Variants in C6orf132 observed in about 807,000 individuals in gnomAD.
C6orf132 encodes the protein uncharacterized protein C6orf132.
A neutral mutation model predicts 65.3 loss-of-function variants in C6orf132; 43 were observed. The observed-to-expected ratio is 0.66, with a 90% CI of 0.52 to 0.85. C6orf132 has a LOEUF of 0.85. Ranked by LOEUF, C6orf132 falls within the 40% of genes least tolerant of loss-of-function variation. The pLI is 0.00. For synonymous variants in C6orf132, 631 were observed against 654.1 expected, an observed-to-expected ratio of 0.96 and a Z score of 0.54; for missense variants, 1,488 against 1,548.8, an observed-to-expected ratio of 0.96 and a Z score of 0.66.
chr6:42,117,923 C>CAAAAAAAAAAAAA (rs556142891), intron 2 of C6orf132, among the ~76,000 whole-genome samples: 30 of 62,346 alleles, frequency 4.8e-4, no homozygotes, highest in East Asian at 7.5e-4. Context: ...AACCCTGTCA[C>CAAAAAAAAAAAAA]AAAAAAAAAA....
intron 1 of C6orf132, among the ~76,000 whole-genome samples, chr6:42,132,524 TAAGA>T (rs1766869925): frequency 7.0e-6 from 1 of 143,578 alleles, no homozygotes; most frequent in Non-Finnish European, 1.5e-5. Context: ...CAAAAAATAA[TAAGA>T]AGAAGAAGAA....
intron 2 of C6orf132, among the ~76,000 whole-genome samples, chr6:42,122,298 A>G (rs13193891): frequency 0.13 from 19,148 of 152,242 alleles, 1,498 homozygotes; most frequent in South Asian, 0.22. Flanking sequence ...TCAAGGGGAC[A>G]TGCCCTCAGA....
At chr6:42,139,678 GT>G (rs1002059757) in intron 1 of C6orf132, among the ~76,000 whole-genome samples, 43 of 150,474 alleles carry the variant, frequency 2.9e-4, no homozygotes, top group African/African-American at 8.3e-4. Flanking sequence ...ATTATGAGGG[GT>G]TTTTTTTTGC....
intron 2 of C6orf132, among the ~76,000 whole-genome samples, chr6:42,112,690 G>C (rs572675466): frequency 6.6e-6 from 1 of 152,314 alleles, no homozygotes; most frequent in African/African-American, 2.4e-5. Flanking sequence ...TTGTCCTCTA[G>C]TTCCTTCAGT....
In C6orf132 at chr6:42,104,815, CCGGGGGCGCCCCGGGGCCAGCGTT is replaced by C. The variant is rs2127472825; in HGVS notation, c.3073_3096del (p.Asn1025_Pro1032del). The C allele has an allele frequency of 6.8e-7, 1 of 1,469,404 alleles. No individual in the cohort carries two copies. Among genetic ancestry groups the C allele is most frequent in the East Asian group, 2.5e-5 (1 of 39,700 alleles). 91.0% of individuals were successfully genotyped at this position (1,469,404 alleles called of 1,614,324 possible). ...GCGGGAAAGCGCGAGAAGCCGAGAG[CCGGGGGCGCCCCGGGGCCAGCGTT>C]CGGGAGCTGCCTCAAGTCTGAGTAG... On this transcript the variant is annotated inframe_deletion, in exon 4 of 5. Transcript: ENST00000341865. This position sits in a 1 kb window ranked among gnomAD's most constrained non-coding sequence, Gnocchi z 4.1.
chr6:42,118,548 G>C (rs140142222), intron 2 of C6orf132, among the ~76,000 whole-genome samples: 2 of 152,194 alleles, frequency 1.3e-5, no homozygotes, highest in African/African-American at 4.8e-5. Context: ...AGCCCACATC[G>C]AAAGGGGCAG....
chr6:42,126,770 G>A (rs1582280706), intron 2 of C6orf132: 4 of 395,140 alleles, frequency 1.0e-5, no homozygotes, highest in Non-Finnish European at 1.3e-5. Context: ...TTGAACCCAG[G>A]AGGTGGAGGT....
intron 2 of C6orf132, among the ~76,000 whole-genome samples, chr6:42,121,812 G>T (rs1202084551): frequency 6.6e-6 from 1 of 152,206 alleles, no homozygotes; most frequent in African/African-American, 2.4e-5. Context: ...GGCAGGCATG[G>T]TTGGGGGCAC....
Position 42,106,534 on chromosome 6 carries a change from C to T in C6orf132, c.1378G>A (p.Asp460Asn). 1 of 1,536,390 alleles carries T rather than the reference C, an allele frequency of 6.5e-7. No individual in the cohort carries two copies. The highest frequency in any genetic ancestry group is 8.7e-7 in the Non-Finnish European group (1 of 1,146,840). ...PENTASSAPV[D>N]WRDPSQMEKL... ...TCCATCTGGCTGGGGTCCCTCCAGT[C>T]CACAGGTGCTGAAGACGCTGTGTTC... is the stretch of plus-strand genomic sequence containing the variant. Residue 460 changes from aspartate (D) to asparagine (N), a missense_variant, in exon 4 of 5, where the codon GAC becomes AAC. Transcript: ENST00000341865.
rs764309606 is a variant in C6orf132 at position 42,102,699 on chromosome 6, C to T, written c.*1062G>A. 32 of 168,592 alleles carry T rather than the reference C, an allele frequency of 1.9e-4. No homozygotes were observed. Among genetic ancestry groups the T allele is most frequent in the Non-Finnish European group, 2.8e-4 (22 of 79,226 alleles). 10.4% of individuals were successfully genotyped at this position (168,592 alleles called of 1,614,324 possible). A position where few individuals can be genotyped will look rare whatever the true frequency, so the allele number is the denominator to read the frequency against. ...CTGGGATTACAGGTGTGAGCCACCG[C>T]GCCCAGCCAACCAATCCTACCACTC... On this transcript the variant is annotated 3_prime_UTR_variant, in exon 5 of 5. Transcript: ENST00000341865.
At chr6:42,142,206 C>T in intron 1 of C6orf132, 94 bp downstream of exon 1, 1 of 1,370,208 alleles carries the variant, frequency 7.3e-7, no homozygotes, top group Non-Finnish European at 9.8e-7. Flanking sequence ...TCCAACGTGT[C>T]CCTCCCCTCC....
intron 1 of C6orf132, among the ~76,000 whole-genome samples, chr6:42,141,685 C>G (rs368368319): frequency 2.6e-5 from 4 of 152,286 alleles, no homozygotes; most frequent in Admixed American, 6.5e-5. Flanking sequence ...CTGGCAGGAG[C>G]CTGTGGCCCC....
intron 2 of C6orf132, among the ~76,000 whole-genome samples, chr6:42,116,213 C>G (rs1766568961): frequency 6.6e-6 from 1 of 152,034 alleles, no homozygotes; most frequent in African/African-American, 2.4e-5. Context: ...CAGGCATGAG[C>G]CACTGTGCCC....
intron 2 of C6orf132, among the ~76,000 whole-genome samples, chr6:42,122,560 C>T (rs1766704432): frequency 6.6e-6 from 1 of 152,168 alleles, no homozygotes. Context: ...TCCATTTGCA[C>T]TCTCGTGGCA....
chr6:42,114,913 G>A (rs1766541929), intron 2 of C6orf132, among the ~76,000 whole-genome samples: 1 of 151,970 alleles, frequency 6.6e-6, no homozygotes, highest in Admixed American at 6.6e-5. Flanking sequence ...GCTAAGACAG[G>A]GAGAATTGCT....
chr6:42,103,895 G>T lies in C6orf132; in HGVS notation c.3450-17C>A. ...TAGGGAGACCTGGGGGAGAGCAAGA[G>T]ATGTGAGGTGAATATCTGCAGCTGG... is the stretch of plus-strand genomic sequence containing the variant. On this transcript the variant is annotated splice_polypyrimidine_tract_variant and intron_variant, in intron 4 of 4. Transcript: ENST00000341865. 1 of 1,382,532 alleles carries T rather than the reference G, an allele frequency of 7.2e-7. No individual in the cohort carries two copies. Among genetic ancestry groups the T allele is most frequent in the East Asian group, 2.9e-5 (1 of 34,356 alleles). The allele number at this position is 1,382,532 out of a possible 1,614,324, so 85.6% of individuals were successfully genotyped here.
At position 42,142,507 on chromosome 6, in the gene C6orf132, G is replaced by A. The variant is rs1767056914; in HGVS notation, c.-63C>T. The A allele has an allele frequency of 1.4e-6, 2 of 1,469,508 alleles. No homozygotes were observed. The highest frequency in any genetic ancestry group is 1.8e-6 in the Non-Finnish European group (2 of 1,098,920). The allele number at this position is 1,469,508 out of a possible 1,614,324, so 91.0% of individuals were successfully genotyped here. On this transcript the variant is annotated 5_prime_UTR_variant, in exon 1 of 5. Coordinates refer to ENST00000341865, the MANE Select transcript of C6orf132 (RefSeq NM_001164446.3). ...CCCTCCCTCGCCCTGCCCTGCCCCG[G>A]ACTGAACTCAGCACGGTCTCCCCAG... is the stretch of plus-strand genomic sequence containing the variant.
intron 2 of C6orf132, among the ~76,000 whole-genome samples, chr6:42,119,971 G>A (rs1033073558): frequency 1.3e-5 from 2 of 151,764 alleles, no homozygotes; most frequent in African/African-American, 4.8e-5. Flanking sequence ...GCACATGCCT[G>A]TAATCCTAGC....
rs549943731 is a variant in C6orf132 at position 42,137,983 on chromosome 6, G to A, written c.145+4317C>T. ...TGAGGCAGCAGAATCGCTTGAACCCGGGAGGTAGAAGGTTGCAGTGAGCCG... is the reference window on the plus strand; with the variant it reads ...TGAGGCAGCAGAATCGCTTGAACCCAGGAGGTAGAAGGTTGCAGTGAGCCG... On this transcript the variant is annotated intron_variant, in intron 1 of 4. Coordinates refer to ENST00000341865, the MANE Select transcript of C6orf132 (RefSeq NM_001164446.3). 6.6e-5 allele frequency among the ~76,000 whole-genome samples: 10 copies of A among 152,298 alleles called. No homozygotes were observed. The Middle Eastern group carries it at 0.01, about 155-fold the overall frequency.
Sources: gnomAD v4.1 joint callset for allele counts (sites outside exome capture counted in the v4.1 genomes callset) on GRCh38, gnomAD v4.1.1 for gene constraint, Gnocchi (gnomAD v3.1) non-coding constraint, MANE v1.5 for transcripts, NCBI Gene and HGNC (gene_info 2026-07-23, HGNC 2026-07-21) for gene names.